The following GAS7 variants were observed in gnomAD, a reference collection of about 807,000 sequenced individuals.
The protein encoded by GAS7 is growth arrest-specific protein 7.
A neutral mutation model predicts 71.1 loss-of-function variants in GAS7; 28 were observed. That is an observed-to-expected ratio of 0.39 (90% CI 0.29 to 0.54). The LOEUF is 0.54. Among genes scored for constraint, GAS7 ranks in the 20% least tolerant of loss-of-function variants. The probability of loss-of-function intolerance (pLI) is 0.62; values close to 1 mark genes in which losing one functional copy is unlikely to be tolerated. For synonymous variants in GAS7, 258 were observed against 245.8 expected (o/e 1.05, Z -0.46); for missense variants, 436 against 627.8 (o/e 0.69, Z 3.27).
chr17:10,169,501 C>G (rs1478649936), intron 1 of GAS7, among the ~76,000 whole-genome samples: 1 of 152,148 alleles, frequency 6.6e-6, no homozygotes, highest in African/African-American at 2.4e-5. Context: ...TTGACCATAT[C>G]TCAGATGGTC....
chr17:9,939,896 C>T (rs1013511721), intron 8 of GAS7, among the ~76,000 whole-genome samples: 3 of 152,196 alleles, frequency 2.0e-5, no homozygotes, highest in African/African-American at 7.2e-5. Context: ...GTGTGAGCCA[C>T]CCGCCCGGCT....
chr17:10,128,883 A>G (rs978336343), intron 1 of GAS7, among the ~76,000 whole-genome samples: 3 of 152,100 alleles, frequency 2.0e-5, no homozygotes, highest in African/African-American at 7.2e-5. Flanking sequence ...TCGGCCTCCC[A>G]AAGTGCTGGG....
intron 1 of GAS7, among the ~76,000 whole-genome samples, chr17:10,125,900 C>T (rs1245694116): frequency 6.6e-6 from 1 of 152,196 alleles, no homozygotes; most frequent in Non-Finnish European, 1.5e-5. Flanking sequence ...CACATACACC[C>T]GCCCCGATTC....
At chr17:10,182,413 G>A (rs2074423352) in intron 1 of GAS7, among the ~76,000 whole-genome samples, 1 of 152,106 alleles carries the variant, frequency 6.6e-6, no homozygotes, top group Non-Finnish European at 1.5e-5. Flanking sequence ...ACACACCTCG[G>A]CCTCCCAAAC....
chr17:10,037,062 T>A (rs541258307), intron 1 of GAS7, among the ~76,000 whole-genome samples: 1 of 152,340 alleles, frequency 6.6e-6, no homozygotes, highest in South Asian at 2.1e-4. Context: ...GAACGGAGAA[T>A]GTTCCCCCAA....
chr17:10,060,135 T>G (rs370853393), intron 1 of GAS7, among the ~76,000 whole-genome samples: 3 of 152,272 alleles, frequency 2.0e-5, no homozygotes, highest in South Asian at 2.1e-4. Context: ...TCCAACCAGG[T>G]AGAGCAATTT....
chr17:10,115,532 C>A (rs922045976), intron 1 of GAS7, among the ~76,000 whole-genome samples: 1 of 152,194 alleles, frequency 6.6e-6, no homozygotes, highest in South Asian at 2.1e-4. Flanking sequence ...GGGAAGCACA[C>A]CTCAGCACAG....
In GAS7 at chr17:9,956,503, G is replaced by A. The variant is rs186868050; in HGVS notation, c.525+2699C>T. Among the ~76,000 whole-genome samples, 14 of 152,208 alleles carry A rather than the reference G, an allele frequency of 9.2e-5. 1 individual carries two copies. The highest frequency in any genetic ancestry group is 3.9e-4 in the Admixed American group (6 of 15,280). On this transcript the variant is annotated intron_variant, in intron 5 of 13. Transcript: ENST00000432992. Reference sequence around the variant, plus strand: ...TTTCTGAAACCCTCTAGATTCAGACGCGTTCATGCTCCTGCCAAGGGCTGT... The same window carrying A: ...TTTCTGAAACCCTCTAGATTCAGACACGTTCATGCTCCTGCCAAGGGCTGT...
In GAS7 at chr17:10,000,531, T is replaced by C. The variant is rs1259859121; in HGVS notation, c.305-18647A>G. ...TGACATCAGGTTGGTCAGAGAGATC[T>C]AGGAAAAGAAGAGTGAACGCAACAG... is the stretch of plus-strand genomic sequence containing the variant. On this transcript the variant is annotated intron_variant, in intron 2 of 13. Transcript: ENST00000432992. 2.0e-5 allele frequency among the ~76,000 whole-genome samples: 3 copies of C among 152,182 alleles called. No homozygotes were observed. In the East Asian group the frequency reaches 5.8e-4, roughly 29 times the overall value.
At chr17:10,085,086 C>CT (rs1429572390) in intron 1 of GAS7, among the ~76,000 whole-genome samples, 1 of 152,250 alleles carries the variant, frequency 6.6e-6, no homozygotes, top group Non-Finnish European at 1.5e-5. Context: ...CCTCACACTG[C>CT]TGAGCACCTT....
chr17:10,038,720 G>C (rs1489629634), intron 1 of GAS7, among the ~76,000 whole-genome samples: 1 of 126,736 alleles, frequency 7.9e-6, no homozygotes, highest in Non-Finnish European at 1.6e-5. Context: ...TTTTTTTTGA[G>C]ACGAAGTCTT....
intron 8 of GAS7, among the ~76,000 whole-genome samples, chr17:9,937,829 C>T (rs972639767): frequency 6.6e-6 from 1 of 152,204 alleles, no homozygotes; most frequent in Non-Finnish European, 1.5e-5. Flanking sequence ...TTCAAACAGA[C>T]CAGCACCAGA....
At chr17:10,032,160 T>C (rs1047001648) in intron 1 of GAS7, among the ~76,000 whole-genome samples, 15 of 151,066 alleles carry the variant, frequency 9.9e-5, no homozygotes, top group Non-Finnish European at 2.2e-4. Flanking sequence ...TCAAGGTCTC[T>C]CTGGTCCTGA....
rs138600465 is a variant in GAS7 at position 9,939,137 on chromosome 17, G to A, written c.806+989C>T. Among the ~76,000 whole-genome samples, 117 of 152,256 alleles carry A rather than the reference G, an allele frequency of 7.7e-4. 1 individual carries two copies. Among genetic ancestry groups the A allele is most frequent in the African/African-American group, 2.7e-3 (113 of 41,556 alleles). ...GTATTAGTTTGAGTGCCTGTACTCA[G>A]TTTTTTTGGGTATAAGCCTAGGAAT... On this transcript the variant is annotated intron_variant, in intron 8 of 13. Coordinates refer to ENST00000432992, the MANE Select transcript of GAS7 (RefSeq NM_201433.2).
At chr17:9,956,361 C>T (rs2069236363) in intron 5 of GAS7, among the ~76,000 whole-genome samples, 1 of 152,172 alleles carries the variant, frequency 6.6e-6, no homozygotes, top group South Asian at 2.1e-4. Flanking sequence ...GGGTTCACCT[C>T]CAGCCCCTAC....
chr17:10,127,245 C>T (rs2073958569), intron 1 of GAS7, among the ~76,000 whole-genome samples: 1 of 152,188 alleles, frequency 6.6e-6, no homozygotes, highest in Non-Finnish European at 1.5e-5. Flanking sequence ...GAAAGCAGTG[C>T]TTCCACGAGC....
chr17:9,924,677 A>C (rs2067934331), intron 11 of GAS7: 1 of 152,072 alleles, frequency 6.6e-6, no homozygotes, highest in Non-Finnish European at 1.5e-5. Flanking sequence ...CTTATTTTGA[A>C]ATGTAAGGTG....
chr17:10,059,820 T>G, intron 1 of GAS7: 7 of 984,900 alleles, frequency 7.1e-6, no homozygotes, highest in Non-Finnish European at 8.4e-6. Context: ...ATATAGAAAG[T>G]TGCAGCCACG....
intron 5 of GAS7, among the ~76,000 whole-genome samples, chr17:9,948,466 T>A (rs1043766405): frequency 6.6e-6 from 1 of 152,160 alleles, no homozygotes; most frequent in Non-Finnish European, 1.5e-5. Flanking sequence ...AGGTGGATCA[T>A]GAGGTCAGGA....
Sources: allele counts gnomAD v4.1 joint callset (sites outside exome capture counted in the v4.1 genomes callset), GRCh38; gene constraint gnomAD v4.1.1; transcripts MANE v1.5; gene names NCBI Gene and HGNC (gene_info 2026-07-23, HGNC 2026-07-21).